CDH8: variants seen among roughly 807,000 people sequenced by gnomAD.
CDH8 encodes cadherin 8, also known as cadherin-8.
CDH8 carries 17 observed loss-of-function variants against 68.1 expected under a neutral mutation model. That is an observed-to-expected ratio of 0.25 (90% confidence interval 0.17 to 0.37). CDH8 has a LOEUF of 0.37. CDH8 is among the 10% of genes least tolerant of loss of function. The pLI, the probability that CDH8 is intolerant of heterozygous loss-of-function variation, is 1.00. For synonymous variants in CDH8, 372 were observed against 365.1 expected (o/e 1.02, Z -0.21); for missense variants, 763 against 999.3 (o/e 0.76, Z 3.19).
intron 2 of CDH8, among the ~76,000 whole-genome samples, chr16:61,928,236 A>G (rs1169183802): frequency 2.6e-5 from 4 of 152,212 alleles, no homozygotes; most frequent in African/African-American, 9.6e-5. Flanking sequence ...TCTTTTAGGT[A>G]CTTTGATTTG....
chr16:61,767,179 T>C (rs1314268950), intron 8 of CDH8, among the ~76,000 whole-genome samples: 1 of 151,986 alleles, frequency 6.6e-6, no homozygotes, highest in Non-Finnish European at 1.5e-5. Context: ...CTAAGTAAAA[T>C]AATCACTCTA....
chr16:61,833,555 G>T (rs1011938451), intron 4 of CDH8, among the ~76,000 whole-genome samples: 2 of 151,962 alleles, frequency 1.3e-5, no homozygotes, highest in East Asian at 3.9e-4. Flanking sequence ...TTTCAAAAAA[G>T]TAATGCTTCC....
At chr16:61,770,147 A>G (rs560898877) in intron 8 of CDH8, among the ~76,000 whole-genome samples, 1 of 152,030 alleles carries the variant, frequency 6.6e-6, no homozygotes, top group African/African-American at 2.4e-5. Context: ...TTCAGGTTAC[A>G]TCCATCTAAA....
At chr16:61,693,581 G>C (rs933260701) in intron 10 of CDH8, 2 of 152,122 alleles carry the variant, frequency 1.3e-5, no homozygotes, top group Non-Finnish European at 2.9e-5. Context: ...GTATTGCATA[G>C]TGTACTCCCA....
chr16:61,703,962 A>G (rs1230397166), intron 10 of CDH8, among the ~76,000 whole-genome samples: 2 of 152,218 alleles, frequency 1.3e-5, no homozygotes, highest in Admixed American at 6.5e-5. Flanking sequence ...ATAAACACCA[A>G]CAAAGGATGT....
chr16:61,832,504 C>T lies in CDH8; in HGVS notation c.668-7325G>A, dbSNP rs181403244. Among the ~76,000 whole-genome samples the T allele has an allele frequency of 1.7e-4, 26 of 151,812 alleles. No individual in the cohort carries two copies. The East Asian group carries it at 4.7e-3, about 27-fold the overall frequency. ...CTGGTGCCTTCTAAAAATATAACAA[C>T]CCATTTGGAAATACAACTGATCAAG... On this transcript the variant is annotated intron_variant, in intron 4 of 11. Transcript: ENST00000577390.
rs1356073234 is a variant in CDH8 at position 61,960,358 on chromosome 16, TATAC to T, written c.253-58889_253-58886del. On this transcript the variant is annotated intron_variant, in intron 2 of 11. Transcript: ENST00000577390. ...ACACACATATATACATGTGTGTGTG[TATAC>T]ACATACATATATACATGTGTGTGTG... is the stretch of plus-strand genomic sequence containing the variant. Among the ~76,000 whole-genome samples, 2 of 98,510 alleles carry T rather than the reference TATAC, an allele frequency of 2.0e-5. 1 individual carries two copies. The highest frequency in any genetic ancestry group is 6.3e-4 in the South Asian group (2 of 3,182). The allele number at this position is 98,510 out of a possible 152,430, so 64.6% of individuals were successfully genotyped here.
At chr16:61,656,667 A>G (rs972911894) in intron 10 of CDH8, among the ~76,000 whole-genome samples, 3 of 152,220 alleles carry the variant, frequency 2.0e-5, no homozygotes, top group Non-Finnish European at 4.4e-5. Flanking sequence ...AGAAGTCATA[A>G]AAGCATGTGA....
intron 3 of CDH8, among the ~76,000 whole-genome samples, chr16:61,870,372 T>G (rs1963334404): frequency 6.6e-6 from 1 of 152,152 alleles, no homozygotes; most frequent in African/African-American, 2.4e-5. Context: ...AGTGTAAATG[T>G]GTGAAGTGAG....
chr16:61,775,304 A>G (rs1596956114), intron 8 of CDH8, among the ~76,000 whole-genome samples: 2 of 152,262 alleles, frequency 1.3e-5, no homozygotes, highest in African/African-American at 4.8e-5. Flanking sequence ...AAGGGATTGG[A>G]GCAAAGGATT....
intron 2 of CDH8, among the ~76,000 whole-genome samples, chr16:62,016,325 G>T (rs1302269215): frequency 1.3e-5 from 2 of 152,156 alleles, no homozygotes; most frequent in East Asian, 1.9e-4. Context: ...ATCTGTGTTT[G>T]CTCAGAGCTG....
At chr16:61,857,085 A>G (rs1288949376) in intron 4 of CDH8, 34 bp downstream of exon 4, 4 of 1,611,740 alleles carry the variant, frequency 2.5e-6, no homozygotes, top group South Asian at 1.1e-5. Flanking sequence ...AAGCAAAAAC[A>G]TGGCAAATAT....
chr16:61,889,903 C>T (rs1284208472), intron 3 of CDH8, among the ~76,000 whole-genome samples: 1 of 152,046 alleles, frequency 6.6e-6, no homozygotes. Flanking sequence ...TTCCTCAATC[C>T]TCTACCTGTA....
rs769760942 is a variant in CDH8 at position 61,713,847 on chromosome 16, T to C, written c.1648A>G (p.Asn550Asp). 1 of 1,532,428 alleles carries C rather than the reference T, an allele frequency of 6.5e-7. No homozygotes were observed. The highest frequency in any genetic ancestry group is 9.0e-7 in the Non-Finnish European group (1 of 1,106,736). 94.9% of individuals were successfully genotyped at this position (1,532,428 alleles called of 1,614,324 possible). Reference sequence around the variant, plus strand: ...ACAAAGCTAATATATTTACCTTCATTTTTCTTGATGGTGAAATTCGGATTG... The same window carrying C: ...ACAAAGCTAATATATTTACCTTCATCTTTCTTGATGGTGAAATTCGGATTG... ...VNNPNFTIKK[N>D]EDNSLSILAK... Residue 550 changes from asparagine (N) to aspartate (D), a missense_variant, in exon 10 of 12, where the codon AAT (asparagine) becomes GAT (aspartate). Around this residue, in one of 2 missense-constraint regions of CDH8, gnomAD observed 397 missense variants for 436.2 expected, o/e 0.91. Transcript: ENST00000577390.
chr16:61,988,381 T>C (rs1209585395), intron 2 of CDH8, among the ~76,000 whole-genome samples: 1 of 152,208 alleles, frequency 6.6e-6, no homozygotes, highest in Non-Finnish European at 1.5e-5. Context: ...AAGTCAGCTA[T>C]TCACCTAGTG....
At chr16:62,002,370 C>T (rs1029440318) in intron 2 of CDH8, among the ~76,000 whole-genome samples, 15 of 152,100 alleles carry the variant, frequency 9.9e-5, no homozygotes, top group Non-Finnish European at 1.8e-4. Context: ...TATTTACCTT[C>T]GGGGTTTGAC....
intron 2 of CDH8, among the ~76,000 whole-genome samples, chr16:61,955,522 A>G (rs891386416): frequency 3.3e-5 from 5 of 152,134 alleles, no homozygotes; most frequent in African/African-American, 1.2e-4. Flanking sequence ...TGCTTTGGTC[A>G]ATTAAATTCT....
At chr16:61,905,048 A>G (rs1047583517) in intron 2 of CDH8, among the ~76,000 whole-genome samples, 1 of 152,234 alleles carries the variant, frequency 6.6e-6, no homozygotes, top group Non-Finnish European at 1.5e-5. Flanking sequence ...CTGGAAACCA[A>G]ATTCCCACCT....
chr16:61,773,532 G>GT (rs1960832804), intron 8 of CDH8, among the ~76,000 whole-genome samples: 1 of 152,014 alleles, frequency 6.6e-6, no homozygotes, highest in Admixed American at 6.6e-5. Context: ...GGAGTACTAT[G>GT]TTTTTGGCAA....
Sources: allele counts gnomAD v4.1 joint callset (sites outside exome capture counted in the v4.1 genomes callset), GRCh38; gene constraint gnomAD v4.1.1; regional missense constraint gnomAD v4.1.1; transcripts MANE v1.5; gene names NCBI Gene and HGNC (gene_info 2026-07-23, HGNC 2026-07-21).